Variants in UNC13B observed in about 807,000 individuals in gnomAD.
UNC13B encodes the protein protein unc-13 homolog B.
In UNC13B, 144 loss-of-function variants were observed where a neutral mutation model predicts 211.0. The observed-to-expected ratio is 0.68, with a 90% CI of 0.60 to 0.78. The LOEUF is 0.78. UNC13B is among the 30% of genes least tolerant of loss of function. The pLI, the probability that UNC13B is intolerant of heterozygous loss-of-function variation, is 0.00. For synonymous variants in UNC13B, 709 were observed against 725.8 expected (o/e 0.98, Z 0.37); for missense variants, 1,777 against 2,002.0 (o/e 0.89, Z 2.14).
At position 35,162,170 on chromosome 9, in the gene UNC13B, G is replaced by T; in HGVS notation, c.-114G>T. On this transcript the variant is annotated 5_prime_UTR_variant, in exon 1 of 40. Coordinates refer to ENST00000635942, the MANE Select transcript of UNC13B (RefSeq NM_001371189.2). ...CGCTACCTGCGACCGGGACCATGAG[G>T]AGCTGCCAGACCCGTGGGGCCGGTA... 1 of 1,470,728 alleles carries T rather than the reference G, an allele frequency of 6.8e-7. No individual in the cohort carries two copies. The highest frequency in any genetic ancestry group is 1.2e-5 in the South Asian group (1 of 82,360). 91.1% of individuals were successfully genotyped at this position (1,470,728 alleles called of 1,614,324 possible). A position where few individuals can be genotyped will look rare whatever the true frequency, so the allele number is the denominator to read the frequency against.
intron 1 of UNC13B, among the ~76,000 whole-genome samples, chr9:35,203,311 T>A (rs1450993619): frequency 6.6e-6 from 1 of 152,194 alleles, no homozygotes; most frequent in Non-Finnish European, 1.5e-5. Context: ...TTCCTTTCCA[T>A]GTTTAGTGCT....
intron 2 of UNC13B, among the ~76,000 whole-genome samples, chr9:35,229,947 C>G (rs977845500): frequency 6.6e-6 from 1 of 152,004 alleles, no homozygotes; most frequent in African/African-American, 2.4e-5. Flanking sequence ...GCTATTTTTT[C>G]ATTGTATAAC....
chr9:35,169,359 GC>G (rs1214406625), intron 1 of UNC13B, among the ~76,000 whole-genome samples: 1 of 152,100 alleles, frequency 6.6e-6, no homozygotes, highest in Non-Finnish European at 1.5e-5. Context: ...AAAGTTCATG[GC>G]TTATCATTAA....
intron 1 of UNC13B, among the ~76,000 whole-genome samples, chr9:35,172,868 A>G (rs1238827153): frequency 6.6e-6 from 1 of 152,144 alleles, no homozygotes; most frequent in East Asian, 1.9e-4. Context: ...TTTATCCTGT[A>G]AGTAGGGAGA....
intron 4 of UNC13B, 144 bp from the exon 5 acceptor site, chr9:35,237,559 T>C: frequency 4.3e-6 from 4 of 932,792 alleles, no homozygotes; most frequent in Non-Finnish European, 6.4e-6. Context: ...TGGAGGCAGG[T>C]GGTGATAGTG....
At chr9:35,380,856 C>G (rs186578897) in intron 18 of UNC13B, among the ~76,000 whole-genome samples, 143 of 152,236 alleles carry the variant, frequency 9.4e-4, no homozygotes, top group African/African-American at 2.5e-3. Context: ...TTTCAGAAGG[C>G]CCTTTAATCT....
At chr9:35,392,561 A>C (rs1312472971) in intron 26 of UNC13B, among the ~76,000 whole-genome samples, 1 of 149,408 alleles carries the variant, frequency 6.7e-6, no homozygotes, top group Non-Finnish European at 1.5e-5. Flanking sequence ...CAAACACCGC[A>C]TATTCTCACT....
intron 11 of UNC13B, among the ~76,000 whole-genome samples, chr9:35,328,045 G>A (rs745765398): frequency 1.3e-5 from 2 of 152,060 alleles, no homozygotes; most frequent in African/African-American, 2.4e-5. Context: ...TTTCGAGACT[G>A]AGTCTCACTC....
chr9:35,177,031 C>A (rs1021573993), intron 1 of UNC13B, among the ~76,000 whole-genome samples: 7 of 152,146 alleles, frequency 4.6e-5, no homozygotes, highest in African/African-American at 1.7e-4. Context: ...CTCAGGTGAT[C>A]CACCCGCCTC....
At chr9:35,325,412 C>G (rs529567655) in intron 11 of UNC13B, among the ~76,000 whole-genome samples, 24 of 152,270 alleles carry the variant, frequency 1.6e-4, no homozygotes, top group South Asian at 2.1e-4. Flanking sequence ...CCTCTGCTTA[C>G]ACAGCTTGCC....
chr9:35,175,054 C>G (rs1177100790), intron 1 of UNC13B, among the ~76,000 whole-genome samples: 1 of 152,258 alleles, frequency 6.6e-6, no homozygotes, highest in African/African-American at 2.4e-5. Flanking sequence ...CTGCTTCAGC[C>G]TCCCAAAGTG....
chr9:35,396,432 C>T (rs1374504009), intron 26 of UNC13B, 44 bp from the exon 27 acceptor site: 11 of 1,611,566 alleles, frequency 6.8e-6, no homozygotes, highest in Non-Finnish European at 8.5e-6. Context: ...GGAACCATGG[C>T]CTCTACTGCT....
At chr9:35,169,035 A>G (rs1821198811) in intron 1 of UNC13B, among the ~76,000 whole-genome samples, 1 of 152,100 alleles carries the variant, frequency 6.6e-6, no homozygotes, top group African/African-American at 2.4e-5. Flanking sequence ...AAGTTGATTT[A>G]TATTATGATT....
chr9:35,384,758 CAGAG>C (rs1193077704), intron 22 of UNC13B: 2 of 975,666 alleles, frequency 2.0e-6, no homozygotes, highest in African/African-American at 3.5e-5. Flanking sequence ...TAATCTGTAT[CAGAG>C]AGCATGTCCA....
rs1053465605 is a variant in UNC13B, at chr9:35,234,721, A to G, written c.153-1748A>G. On this transcript the variant is annotated intron_variant, in intron 3 of 39. Transcript: ENST00000635942. ...TAAGTGCTCAGGAAATGCTAATTAA[A>G]TGAATAAATTAACTCAGTACATTCT... Among the ~76,000 whole-genome samples the G allele has an allele frequency of 2.0e-5, 3 of 152,224 alleles. 1 individual carries two copies. The South Asian group carries it at 6.2e-4, about 32-fold the overall frequency.
At chr9:35,370,687 G>T (rs117134579) in intron 13 of UNC13B, among the ~76,000 whole-genome samples, 91 of 152,296 alleles carry the variant, frequency 6.0e-4, no homozygotes, top group Non-Finnish European at 1.2e-3. Context: ...GCTCTTATAG[G>T]TATCTCTACA....
At chr9:35,287,830 C>T (rs1828881910) in intron 7 of UNC13B, among the ~76,000 whole-genome samples, 1 of 152,112 alleles carries the variant, frequency 6.6e-6, no homozygotes, top group Non-Finnish European at 1.5e-5. Context: ...TTCCTGAGCT[C>T]CACACCCGTA....
rs954222977 is a variant in UNC13B at position 35,332,309 on chromosome 9, C to T, written c.9414+18320C>T. 4.2e-4 allele frequency among the ~76,000 whole-genome samples: 64 copies of T among 152,264 alleles called. 1 individual carries two copies. Among genetic ancestry groups the T allele is most frequent in the Non-Finnish European group, 2.9e-5 (2 of 68,012 alleles). On this transcript the variant is annotated intron_variant, in intron 11 of 39. Transcript: ENST00000635942. Reference sequence around the variant, plus strand: ...TCTAAACCTTCCCTTTTTCCTTAGGCTCTATTCTTCCTGTCTAGTTATCTA... The same window carrying T: ...TCTAAACCTTCCCTTTTTCCTTAGGTTCTATTCTTCCTGTCTAGTTATCTA...
chr9:35,399,815 C>T, intron 36 of UNC13B, 86 bp downstream of exon 36: 1 of 1,259,258 alleles, frequency 7.9e-7, no homozygotes, highest in Non-Finnish European at 1.2e-6. Flanking sequence ...GGTGTCCCTC[C>T]AATTCTTAAC....
Sources: gnomAD v4.1 joint callset for allele counts (sites outside exome capture counted in the v4.1 genomes callset) on GRCh38, gnomAD v4.1.1 for gene constraint, MANE v1.5 for transcripts, NCBI Gene and HGNC (gene_info 2026-07-23, HGNC 2026-07-21) for gene names.